Variants in ANPEP observed in about 807,000 individuals in gnomAD.
ANPEP encodes the protein aminopeptidase N.
ANPEP carries 70 observed loss-of-function variants against 114.6 expected under a neutral mutation model. The observed-to-expected ratio is 0.61, with a 90% CI of 0.50 to 0.75. ANPEP has a LOEUF of 0.75. Among genes scored for constraint, ANPEP ranks in the 30% least tolerant of loss-of-function variants. ANPEP has a pLI of 0.00. For missense variants in ANPEP, 1,184 were observed against 1,259.5 expected (o/e 0.94, Z 0.91); for synonymous variants, 548 against 522.3 (o/e 1.05, Z -0.67).
intron 15 of ANPEP, among the ~76,000 whole-genome samples, chr15:89,796,044 A>T (rs1027431088): frequency 7.9e-5 from 12 of 151,932 alleles, no homozygotes; most frequent in Non-Finnish European, 1.5e-5. Flanking sequence ...GAAAGATCCC[A>T]TCTCTACAAA....
chr15:89,807,520 G>C (rs1391377008), intron 1 of ANPEP, among the ~76,000 whole-genome samples: 1 of 152,122 alleles, frequency 6.6e-6, no homozygotes, highest in Admixed American at 6.6e-5. Flanking sequence ...CCAACATGGC[G>C]AAACCCCGTC....
chr15:89,804,933 A>T lies in ANPEP; in HGVS notation c.897+145T>A. ...AGGTGCAGAAATGGAGAACCAGAGA[A>T]CAAGACACTTGCCTGAAATCACTCA... is the stretch of plus-strand genomic sequence containing the variant. On this transcript the variant is annotated intron_variant, in intron 4 of 20. Transcript: ENST00000300060. 7.5e-6 allele frequency: 9 copies of T among 1,200,440 alleles called. No homozygotes were observed. The South Asian group carries it at 1.3e-4, about 17-fold the overall frequency. The allele number at this position is 1,200,440 out of a possible 1,614,324, so 74.4% of individuals were successfully genotyped here.
At chr15:89,810,407 A>AATAG (rs1894796529) in intron 1 of ANPEP, among the ~76,000 whole-genome samples, 1 of 151,676 alleles carries the variant, frequency 6.6e-6, no homozygotes, top group Admixed American at 6.6e-5. Flanking sequence ...TAAATAAATA[A>AATAG]ATAAAAATAC....
intron 15 of ANPEP, 151 bp downstream of exon 15, chr15:89,797,424 A>C (rs1596164580): frequency 8.4e-7 from 1 of 1,185,002 alleles, no homozygotes; most frequent in Non-Finnish European, 1.2e-6. Context: ...GAACCTGACA[A>C]GGCAATCTTT....
intron 20 of ANPEP, among the ~76,000 whole-genome samples, chr15:89,786,610 C>CTCAGGAGGT (rs1968512044): frequency 6.6e-6 from 1 of 151,794 alleles, no homozygotes; most frequent in Admixed American, 6.6e-5. Context: ...GGGGGATCAC[C>CTCAGGAGGT]TGAGCCTGGG....
Position 89,805,204 on chromosome 15 carries a change from T to G in ANPEP, c.771A>C (p.Pro257=), listed in dbSNP as rs772315076. Residue 257 remains proline (P), a synonymous_variant, in exon 4 of 21, where the codon CCA becomes CCC. Transcript: ENST00000300060. ...SNMLPKGPST[P]LPEDPNWNVT... ...CATTCCAGTTGGGGTCTTCTGGAAG[T>G]GGGGTGCTGGGACCTGGGCAGGGAG... 12 of 1,614,066 alleles carry G rather than the reference T, an allele frequency of 7.4e-6. No homozygotes were observed. The highest frequency in any genetic ancestry group is 5.1e-6 in the Non-Finnish European group (6 of 1,180,034).
intron 19 of ANPEP, 84 bp downstream of exon 19, chr15:89,790,869 C>G: frequency 6.6e-7 from 1 of 1,526,556 alleles, no homozygotes; most frequent in East Asian, 2.3e-5. Context: ...GTTAGTGCCC[C>G]CGGCGTGTCT....
chr15:89,789,104 C>A (rs62019023), intron 20 of ANPEP, among the ~76,000 whole-genome samples: 9,742 of 151,806 alleles, frequency 0.064, 385 homozygotes, highest in African/African-American at 0.11. Flanking sequence ...CACAGCCTCC[C>A]GAGTAGCTGG....
rs887467639 is a variant in ANPEP, at chr15:89,799,643, G to A, written c.1820-84C>T. The A allele has an allele frequency of 2.2e-5, 34 of 1,581,364 alleles. No homozygotes were observed. Among genetic ancestry groups the A allele is most frequent in the East Asian group, 6.7e-5 (3 of 44,610 alleles). On this transcript the variant is annotated intron_variant, in intron 12 of 20. Transcript: ENST00000300060. The surrounding 1 kb of genome is among the most constrained non-coding windows in gnomAD (Gnocchi z 4.2). ...ACCTCTTGCAAGAGCAGCTGCCCCC[G>A]CAGCCTGGCACCACCTCACCCTCAA...
chr15:89,798,601 C>T (rs1329664717), intron 14 of ANPEP, among the ~76,000 whole-genome samples: 1 of 151,296 alleles, frequency 6.6e-6, no homozygotes, highest in African/African-American at 2.4e-5. Flanking sequence ...CACGCCACTG[C>T]ACTCCAGCCC....
At position 89,785,077 on chromosome 15, in the gene ANPEP, C is replaced by T. The variant is rs78501793; in HGVS notation, c.*272G>A. The T allele has an allele frequency of 2.4e-3, 982 of 415,320 alleles. 5 individuals are homozygous for T. Among genetic ancestry groups the T allele is most frequent in the African/African-American group, 0.016 (814 of 50,114 alleles). 25.7% of individuals were successfully genotyped at this position (415,320 alleles called of 1,614,324 possible). Reference sequence around the variant, plus strand: ...CATCTGGCCCTGGAGCTGGGCTTCCCTGAGATCAGCCCCAGGGCACTGGGC... The same window carrying T: ...CATCTGGCCCTGGAGCTGGGCTTCCTTGAGATCAGCCCCAGGGCACTGGGC... On this transcript the variant is annotated 3_prime_UTR_variant, in exon 21 of 21. Transcript: ENST00000300060.
Position 89,803,750 on chromosome 15 carries a change from G to T in ANPEP, c.1334C>A (p.Ala445Glu), listed in dbSNP as rs759915782. The change falls in exon 8 of 21, where the codon GCA becomes GAA. Residue 445 changes from alanine to glutamate, a missense_variant. Transcript: ENST00000300060. The surrounding 1 kb of genome is among the most constrained non-coding windows in gnomAD (Gnocchi z 4.2). ...MVLNDVYRVM[A>E]VDALASSHPL... ...GTGGGAGGAGGCCAGTGCATCCACT[G>T]CCATCACGCGGTACACATCATTCAG... The T allele has an allele frequency of 8.1e-6, 13 of 1,610,824 alleles. No individual in the cohort carries two copies. The highest frequency in any genetic ancestry group is 1.6e-4 in the Middle Eastern group (1 of 6,072).
chr15:89,792,369 G>A (rs1349622283), intron 17 of ANPEP, 42 bp from the exon 18 acceptor site: 1 of 1,612,908 alleles, frequency 6.2e-7, no homozygotes. Flanking sequence ...CAGCAGCGGG[G>A]AGGGTGGGAC....
intron 1 of ANPEP, among the ~76,000 whole-genome samples, chr15:89,807,528 G>A (rs1002585691): frequency 8.5e-5 from 13 of 152,122 alleles, no homozygotes; most frequent in Admixed American, 2.6e-4. Context: ...GCGAAACCCC[G>A]TCTCTACTAA....
intron 1 of ANPEP, among the ~76,000 whole-genome samples, chr15:89,811,624 C>A (rs555284294): frequency 4.9e-5 from 7 of 143,952 alleles, no homozygotes; most frequent in Admixed American, 2.9e-4. Flanking sequence ...CCAGCCTGGG[C>A]GACAGAGTGA....
rs760694921 is a variant in ANPEP at position 89,785,326 on chromosome 15, C to T, written c.*23G>A. The T allele has an allele frequency of 1.2e-5, 19 of 1,613,644 alleles. No homozygotes were observed. The highest frequency in any genetic ancestry group is 1.5e-5 in the Non-Finnish European group (18 of 1,179,748). ...ACATGTGGGCACCTTGCATGGGGGC[C>T]GGGTGACTTCAAGGGCTGGGGACTA... is the stretch of plus-strand genomic sequence containing the variant. On this transcript the variant is annotated 3_prime_UTR_variant, in exon 21 of 21. Coordinates refer to ENST00000300060, the MANE Select transcript of ANPEP (RefSeq NM_001150.3).
chr15:89,808,882 G>A (rs1017277807), intron 1 of ANPEP, among the ~76,000 whole-genome samples: 7 of 152,340 alleles, frequency 4.6e-5, no homozygotes, highest in East Asian at 3.9e-4. Flanking sequence ...AATACCTGCC[G>A]CCTCTCGTCT....
intron 1 of ANPEP, among the ~76,000 whole-genome samples, chr15:89,809,957 C>A (rs1219001203): frequency 6.6e-6 from 1 of 152,166 alleles, no homozygotes; most frequent in Non-Finnish European, 1.5e-5. Flanking sequence ...CTTTCCTCTC[C>A]CTCTTGTCAA....
chr15:89,793,079 A>T lies in ANPEP; in HGVS notation c.2205T>A (p.Asn735Lys). 1 of 1,614,100 alleles carries T rather than the reference A, an allele frequency of 6.2e-7. No individual in the cohort carries two copies. The highest frequency in any genetic ancestry group is 1.1e-5 in the South Asian group (1 of 91,080). Reference protein sequence around the residue: ...QVTPLFIHFRNNTNNWREIPE... With the variant: ...QVTPLFIHFRKNTNNWREIPE... ...GGATCTCCCTCCAGTTGTTGGTATTATTTCTGAAGTGAATGAAGAGGGGTG... is the reference window on the plus strand; with the variant it reads ...GGATCTCCCTCCAGTTGTTGGTATTTTTTCTGAAGTGAATGAAGAGGGGTG... Residue 735 changes from asparagine to lysine, a missense_variant, in exon 16 of 21, where the codon AAT becomes AAA. Transcript: ENST00000300060.
Sources: gnomAD v4.1 joint callset for allele counts (sites outside exome capture counted in the v4.1 genomes callset) on GRCh38, gnomAD v4.1.1 for gene constraint, Gnocchi (gnomAD v3.1) non-coding constraint, MANE v1.5 for transcripts, NCBI Gene and HGNC (gene_info 2026-07-23, HGNC 2026-07-21) for gene names.